The following PRKN variants were observed in gnomAD, a reference collection of about 807,000 sequenced individuals.
PRKN encodes the protein E3 ubiquitin-protein ligase parkin.
PRKN carries 56 observed loss-of-function variants against 59.5 expected under a neutral mutation model. The ratio of observed to expected loss-of-function variants is 0.94; its 90% confidence interval spans 0.76 to 1.18. The LOEUF (loss-of-function observed/expected upper bound fraction) is 1.18, where lower values mean the gene tolerates loss of function less well. Among genes scored for constraint, PRKN ranks in the 50% most tolerant of loss-of-function variants. The probability of loss-of-function intolerance (pLI) is 0.00; values close to 1 mark genes in which losing one functional copy is unlikely to be tolerated. For synonymous variants in PRKN, 250 were observed against 222.1 expected (o/e 1.13, Z -1.12); for missense variants, 657 against 596.4 (o/e 1.10, Z -1.06).
At chr6:162,404,172 C>A (rs1787944709) in intron 2 of PRKN, among the ~76,000 whole-genome samples, 1 of 151,694 alleles carries the variant, frequency 6.6e-6, no homozygotes, top group African/African-American at 2.4e-5. Context: ...GAGTTCGAGA[C>A]CAGCCTGACC....
intron 6 of PRKN, among the ~76,000 whole-genome samples, chr6:161,861,520 C>T (rs1313082292): frequency 6.6e-6 from 1 of 151,652 alleles, no homozygotes; most frequent in Admixed American, 6.6e-5. Flanking sequence ...TGCAGCAAAC[C>T]ACCATGGCAA....
intron 1 of PRKN, among the ~76,000 whole-genome samples, chr6:162,532,305 A>C (rs899362474): frequency 6.6e-6 from 1 of 152,210 alleles, no homozygotes; most frequent in African/African-American, 2.4e-5. Flanking sequence ...GCACGCACAC[A>C]AGCATATTCC....
intron 2 of PRKN, among the ~76,000 whole-genome samples, chr6:162,289,808 T>A (rs1781346405): frequency 6.6e-6 from 1 of 152,118 alleles, no homozygotes; most frequent in African/African-American, 2.4e-5. Flanking sequence ...CTGCCTCTGC[T>A]GTGGCAGCAA....
intron 6 of PRKN, among the ~76,000 whole-genome samples, chr6:161,971,147 G>A (rs1780790705): frequency 6.6e-6 from 1 of 151,828 alleles, no homozygotes; most frequent in South Asian, 2.1e-4. Context: ...GCAATCATAT[G>A]AACAAAATTA....
rs1267553166 is a variant in PRKN, at chr6:162,396,460, A to C, written c.171+46850T>G. The stretch of plus-strand genomic sequence containing the variant: ...ACGATGGGTATCACTTCCCAGCCAG[A>C]GCATAAGACGCCAACTCTTCCCTGC... On this transcript the variant is annotated intron_variant, in intron 2 of 11. Coordinates refer to ENST00000366898, the MANE Select transcript of PRKN (RefSeq NM_004562.3). Among the ~76,000 whole-genome samples, 4 of 151,954 alleles carry C rather than the reference A, an allele frequency of 2.6e-5. No homozygotes were observed. The East Asian group carries it at 7.7e-4, about 29-fold the overall frequency.
chr6:162,209,675 C>CT (rs1338379431), intron 3 of PRKN, among the ~76,000 whole-genome samples: 1 of 152,174 alleles, frequency 6.6e-6, no homozygotes, highest in African/African-American at 2.4e-5. Context: ...TATTGCAGTA[C>CT]TATTCACACT....
In PRKN at chr6:161,527,003, G is replaced by A. The variant is rs188309997; in HGVS notation, c.1083+21851C>T. On this transcript the variant is annotated intron_variant, in intron 9 of 11. Coordinates refer to ENST00000366898, the MANE Select transcript of PRKN (RefSeq NM_004562.3). This position sits in a 1 kb window ranked among gnomAD's most constrained non-coding sequence, Gnocchi z 4.6. ...TGAACAAAGGCTATCTTGTTATACC[G>A]ATAGAAAGCCTCAGGAGTAGTAAAA... Among the ~76,000 whole-genome samples, 16 of 152,266 alleles carry A rather than the reference G, an allele frequency of 1.1e-4. No homozygotes were observed. Among genetic ancestry groups the A allele is most frequent in the South Asian group, 2.1e-4 (1 of 4,822 alleles).
intron 5 of PRKN, among the ~76,000 whole-genome samples, chr6:162,007,445 CAT>C (rs1290661869): frequency 1.4e-4 from 22 of 152,110 alleles, no homozygotes; most frequent in African/African-American, 4.3e-4. Context: ...TAGTATGACA[CAT>C]GTTTCTTGAG....
chr6:162,707,645 G>A (rs1778384150), intron 1 of PRKN, among the ~76,000 whole-genome samples: 3 of 150,736 alleles, frequency 2.0e-5, no homozygotes, highest in Admixed American at 2.0e-4. Flanking sequence ...CACGATCTCA[G>A]TTCACTGCAA....
chr6:161,370,024 C>T (rs745818491), intron 10 of PRKN: 3 of 438,944 alleles, frequency 6.8e-6, no homozygotes, highest in African/African-American at 4.0e-5. Flanking sequence ...ACCATTATTA[C>T]TTTGTTATTG....
intron 1 of PRKN, among the ~76,000 whole-genome samples, chr6:162,510,550 C>T (rs759353057): frequency 6.6e-6 from 1 of 152,134 alleles, no homozygotes; most frequent in East Asian, 1.9e-4. Flanking sequence ...TCTGAGCCCT[C>T]CAGGGCCTAT....
intron 1 of PRKN, among the ~76,000 whole-genome samples, chr6:162,605,614 A>C (rs1781882258): frequency 6.6e-6 from 1 of 152,202 alleles, no homozygotes; most frequent in South Asian, 2.1e-4. Flanking sequence ...CACAGGTAAA[A>C]GTTAAAGAAA....
At chr6:162,591,425 T>A (rs1781303623) in intron 1 of PRKN, among the ~76,000 whole-genome samples, 2 of 152,196 alleles carry the variant, frequency 1.3e-5, no homozygotes, top group African/African-American at 4.8e-5. Flanking sequence ...TGTGATATGT[T>A]GTTACGTGCA....
At chr6:162,341,191 T>C (rs1784161235) in intron 2 of PRKN, among the ~76,000 whole-genome samples, 1 of 151,972 alleles carries the variant, frequency 6.6e-6, no homozygotes, top group African/African-American at 2.4e-5. Flanking sequence ...GAAATGCAAA[T>C]CAAAACCACA....
intron 6 of PRKN, among the ~76,000 whole-genome samples, chr6:161,923,015 C>A (rs1412723145): frequency 6.6e-6 from 1 of 152,230 alleles, no homozygotes; most frequent in African/African-American, 2.4e-5. Flanking sequence ...CAGGTCACAG[C>A]TCCCTCCAGG....
intron 6 of PRKN, among the ~76,000 whole-genome samples, chr6:161,825,227 G>T (rs1031727129): frequency 4.6e-5 from 7 of 152,104 alleles, no homozygotes; most frequent in African/African-American, 1.7e-4. Flanking sequence ...CACACAGCAA[G>T]AAAATTGAAA....
rs776100451 is a variant in PRKN at position 161,575,186 on chromosome 6, A to G, written c.872-5770T>C. 6.6e-6 allele frequency among the ~76,000 whole-genome samples: 1 copy of G among 152,234 alleles called. No homozygotes were observed. Among genetic ancestry groups the G allele is most frequent in the Non-Finnish European group, 1.5e-5 (1 of 68,040 alleles). ...TGAATAAGACAATTTGTTAAAAAGC[A>G]TATAAACACAGGATTGAATCTTATT... is the stretch of plus-strand genomic sequence containing the variant. On this transcript the variant is annotated intron_variant, in intron 7 of 11. Coordinates refer to ENST00000366898, the MANE Select transcript of PRKN (RefSeq NM_004562.3). This position sits in a 1 kb window ranked among gnomAD's most constrained non-coding sequence, Gnocchi z 4.6.
rs1303647815 is a variant in PRKN, at chr6:161,524,539, G to A, written c.1083+24315C>T. Reference sequence around the variant, plus strand: ...TTTTTTTAGTATATTTGGTAGAAACGGGGCCTCACTATGCTGCCCAGGCTC... The same window carrying A: ...TTTTTTTAGTATATTTGGTAGAAACAGGGCCTCACTATGCTGCCCAGGCTC... On this transcript the variant is annotated intron_variant, in intron 9 of 11. Transcript: ENST00000366898. 4.6e-5 allele frequency among the ~76,000 whole-genome samples: 7 copies of A among 152,052 alleles called. No individual in the cohort carries two copies. In the South Asian group the frequency reaches 6.3e-4, roughly 14 times the overall value.
intron 7 of PRKN, among the ~76,000 whole-genome samples, chr6:161,574,322 A>C (rs1024436952): frequency 2.0e-5 from 3 of 152,130 alleles, no homozygotes; most frequent in Non-Finnish European, 4.4e-5. Flanking sequence ...GGCAGAGAGG[A>C]AAACATGGGC....
Sources: allele counts gnomAD v4.1 joint callset (sites outside exome capture counted in the v4.1 genomes callset), GRCh38; gene constraint gnomAD v4.1.1; non-coding constraint Gnocchi (gnomAD v3.1); transcripts MANE v1.5; gene names NCBI Gene and HGNC (gene_info 2026-07-23, HGNC 2026-07-21).